NNMT: variants seen among roughly 807,000 people sequenced by gnomAD.
NNMT encodes nicotinamide N-methyltransferase.
A neutral mutation model predicts 11.7 loss-of-function variants in NNMT; 10 were observed. The ratio of observed to expected loss-of-function variants is 0.85; its 90% CI spans 0.53 to 1.45. The LOEUF (loss-of-function observed/expected upper bound fraction) is 1.45, where lower values mean the gene tolerates loss of function less well. Among genes scored for constraint, NNMT ranks in the 40% most tolerant of loss-of-function variants. The pLI is 0.00. For missense variants in NNMT, 381 were observed against 319.4 expected, an observed-to-expected ratio of 1.19 and a Z score of -1.47; for synonymous variants, 143 against 133.8, an observed-to-expected ratio of 1.07 and a Z score of -0.48.
At chr11:114,267,304 T>G (rs904241119) in intron 2 of NNMT, among the ~76,000 whole-genome samples, 4 of 152,092 alleles carry the variant, frequency 2.6e-5, no homozygotes, top group African/African-American at 4.8e-5. Context: ...TCAAGTTTGT[T>G]TTTCCTAGCA....
chr11:114,268,328 A>G (rs746177781), intron 2 of NNMT, among the ~76,000 whole-genome samples: 1 of 152,170 alleles, frequency 6.6e-6, no homozygotes, highest in African/African-American at 2.4e-5. Flanking sequence ...AGCTAGGCAG[A>G]ACATCTGTAC....
chr11:114,285,490 A>T (rs1424449107), intron 2 of NNMT, among the ~76,000 whole-genome samples: 1 of 152,198 alleles, frequency 6.6e-6, no homozygotes, highest in Non-Finnish European at 1.5e-5. Flanking sequence ...GCTCATATTA[A>T]TCAGCTCTGG....
intron 2 of NNMT, chr11:114,269,601 A>C (rs536476530): frequency 6.6e-6 from 1 of 152,276 alleles, no homozygotes; most frequent in East Asian, 1.9e-4. Context: ...CCACTGTCAA[A>C]ATATTTAGTG....
intron 2 of NNMT, among the ~76,000 whole-genome samples, chr11:114,279,535 G>T (rs564672315): frequency 1.8e-4 from 27 of 152,322 alleles, no homozygotes; most frequent in African/African-American, 6.3e-4. Context: ...GAAGCTTGCA[G>T]CAGATGGGAC....
chr11:114,260,736 C>A (rs919534665), intron 1 of NNMT, among the ~76,000 whole-genome samples: 6 of 152,200 alleles, frequency 3.9e-5, no homozygotes, highest in African/African-American at 1.4e-4. Context: ...GTGCAGCATA[C>A]GGACCCACGG....
chr11:114,271,954 A>T (rs1350891506), intron 2 of NNMT, among the ~76,000 whole-genome samples: 1 of 152,162 alleles, frequency 6.6e-6, no homozygotes, highest in African/African-American at 2.4e-5. Context: ...GCATCTGTGC[A>T]GAGAAGGAAC....
chr11:114,295,009 G>A (rs1323191922), upstream of NNMT, among the ~76,000 whole-genome samples: 1 of 152,192 alleles, frequency 6.6e-6, no homozygotes, highest in African/African-American at 2.4e-5. Flanking sequence ...GGAAAAAACC[G>A]GTAGGGATTT....
chr11:114,290,994 G>GT (rs1217252551), intron 2 of NNMT, among the ~76,000 whole-genome samples: 1 of 152,274 alleles, frequency 6.6e-6, no homozygotes, highest in Non-Finnish European at 1.5e-5. Context: ...TGGTGTTGCA[G>GT]TTTTTTATCA....
intron 2 of NNMT, among the ~76,000 whole-genome samples, chr11:114,267,305 T>C (rs1159819154): frequency 6.6e-6 from 1 of 152,108 alleles, no homozygotes; most frequent in African/African-American, 2.4e-5. Context: ...CAAGTTTGTT[T>C]TTCCTAGCAT....
chr11:114,290,742 T>C (rs1945328770), intron 2 of NNMT, among the ~76,000 whole-genome samples: 1 of 152,244 alleles, frequency 6.6e-6, no homozygotes, highest in Middle Eastern at 3.2e-3. Context: ...TAGAACTTCC[T>C]TTAGAGAGGA....
At chr11:114,276,390 G>T (rs1463062452) in intron 2 of NNMT, among the ~76,000 whole-genome samples, 1 of 152,206 alleles carries the variant, frequency 6.6e-6, no homozygotes, top group Non-Finnish European at 1.5e-5. Flanking sequence ...CCGGCGAAGG[G>T]ACTGATGCAG....
intron 2 of NNMT, among the ~76,000 whole-genome samples, chr11:114,266,937 C>A (rs1456331652): frequency 6.6e-6 from 1 of 152,202 alleles, no homozygotes; most frequent in Non-Finnish European, 1.5e-5. Context: ...TTAGTTATAA[C>A]AAGAGAAAAT....
At chr11:114,298,510 C>T (rs114309267) in intron 2 of NNMT, among the ~76,000 whole-genome samples, 2,046 of 152,238 alleles carry the variant, frequency 0.013, 44 homozygotes, top group African/African-American at 0.047. Context: ...AAAAGGCTAA[C>T]CCAGCTTCTC....
At chr11:114,259,862 C>A (rs990386100) in intron 1 of NNMT, among the ~76,000 whole-genome samples, 1 of 152,196 alleles carries the variant, frequency 6.6e-6, no homozygotes, top group Non-Finnish European at 1.5e-5. Context: ...CCGCTCCCAA[C>A]TGTACACCGG....
At chr11:114,311,273 T>C (rs1353374859) in intron 2 of NNMT, among the ~76,000 whole-genome samples, 2 of 152,186 alleles carry the variant, frequency 1.3e-5, no homozygotes, top group Non-Finnish European at 1.5e-5. Flanking sequence ...GAGGCTGCAG[T>C]GAGCTGTGAT....
intron 2 of NNMT, among the ~76,000 whole-genome samples, chr11:114,265,540 G>A (rs1945113639): frequency 6.6e-6 from 1 of 152,166 alleles, no homozygotes; most frequent in African/African-American, 2.4e-5. Flanking sequence ...GTACCTCTGG[G>A]AGATTATTCC....
At chr11:114,288,682 G>T (rs1396493861) in intron 2 of NNMT, among the ~76,000 whole-genome samples, 1 of 152,018 alleles carries the variant, frequency 6.6e-6, no homozygotes, top group Admixed American at 6.6e-5. Flanking sequence ...TTACATTTTT[G>T]TGCCTTGATT....
Position 114,312,287 on chromosome 11 carries a change from G to C in NNMT, c.605G>C (p.Ser202Thr). Residue 202 changes from serine (S) to threonine (T), a missense_variant, in exon 3 of 3, where the codon AGC becomes ACC. By Grantham distance (58) the Ser-to-Thr change is moderately conservative. Coordinates refer to ENST00000299964, the MANE Select transcript of NNMT (RefSeq NM_006169.3). ...GTGATCATGGATGCGCTCAAGAGCA[G>C]CTACTACATGATTGGTGAGCAGAAG... ...FLVIMDALKS[S>T]YYMIGEQKFS... 6.2e-7 allele frequency: 1 copy of C among 1,614,250 alleles called. No individual in the cohort carries two copies. Among genetic ancestry groups the C allele is most frequent in the East Asian group, 2.2e-5 (1 of 44,890 alleles).
rs1255255872 is a variant in NNMT at position 114,312,947 on chromosome 11, A to C, written c.*470A>C. On this transcript the variant is annotated 3_prime_UTR_variant, in exon 3 of 3. Coordinates refer to ENST00000299964, the MANE Select transcript of NNMT (RefSeq NM_006169.3). Reference sequence around the variant, plus strand: ...CCGCTGTTCAGGCTGCCATGTGGGTATAGCTGTTTGCTAGACTCCACTCTG... The same window carrying C: ...CCGCTGTTCAGGCTGCCATGTGGGTCTAGCTGTTTGCTAGACTCCACTCTG... 1 of 157,272 alleles carries C rather than the reference A, an allele frequency of 6.4e-6. No homozygotes were observed. Among genetic ancestry groups the C allele is most frequent in the Non-Finnish European group, 1.4e-5 (1 of 71,042 alleles). 9.7% of individuals were successfully genotyped at this position (157,272 alleles called of 1,614,324 possible).
Sources: allele counts gnomAD v4.1 joint callset (sites outside exome capture counted in the v4.1 genomes callset), GRCh38; gene constraint gnomAD v4.1.1; transcripts MANE v1.5; gene names NCBI Gene and HGNC (gene_info 2026-07-23, HGNC 2026-07-21).